Variants in ABCD3 observed in about 807,000 individuals in gnomAD.
ABCD3 encodes the protein ATP binding cassette subfamily D member 3, also known as ATP-binding cassette sub-family D member 3.
In ABCD3, 41 loss-of-function variants were observed where a neutral mutation model predicts 105.5. The ratio of observed to expected loss-of-function variants is 0.39; its 90% CI spans 0.30 to 0.50. The LOEUF is 0.50. Among genes scored for constraint, ABCD3 ranks in the 20% least tolerant of loss-of-function variants. The pLI, the probability that ABCD3 is intolerant of heterozygous loss-of-function variation, is 0.84. For synonymous variants in ABCD3, 258 were observed against 269.0 expected (o/e 0.96, Z 0.40); for missense variants, 622 against 806.3 (o/e 0.77, Z 2.77).
intron 10 of ABCD3, among the ~76,000 whole-genome samples, chr1:94,483,962 A>G (rs906997941): frequency 5.3e-5 from 8 of 152,168 alleles, no homozygotes; most frequent in Non-Finnish European, 1.2e-4. Context: ...AAACAACCCC[A>G]TCAAAAAGTG....
In ABCD3 at chr1:94,468,026, T is replaced by TC; in HGVS notation, c.335+21dup. On this transcript the variant is annotated intron_variant, in intron 4 of 22. Coordinates refer to ENST00000370214, the MANE Select transcript of ABCD3 (RefSeq NM_002858.4). ...TTGAAAGGTACTTTTTCAATCACCT[T>TC]CCTCCTATATGTATGAAATGCTAAT... is the stretch of plus-strand genomic sequence containing the variant. 6.6e-7 allele frequency: 1 copy of TC among 1,526,488 alleles called. No homozygotes were observed. Among genetic ancestry groups the TC allele is most frequent in the Non-Finnish European group, 9.1e-7 (1 of 1,100,502 alleles). 94.6% of individuals were successfully genotyped at this position (1,526,488 alleles called of 1,614,324 possible). A position where few individuals can be genotyped will look rare whatever the true frequency, so the allele number is the denominator to read the frequency against.
intron 21 of ABCD3, chr1:94,514,059 C>G (rs548741751): frequency 6.6e-6 from 1 of 151,982 alleles, no homozygotes; most frequent in South Asian, 2.1e-4. Context: ...TTATAATGAT[C>G]TTTTAAAAAT....
At chr1:94,480,874 T>G (rs1243597403) in intron 9 of ABCD3, among the ~76,000 whole-genome samples, 1 of 152,224 alleles carries the variant, frequency 6.6e-6, no homozygotes, top group African/African-American at 2.4e-5. Flanking sequence ...TCAGACATAA[T>G]CAGTTTACAA....
intron 13 of ABCD3, 22 bp from the exon 14 acceptor site, chr1:94,489,703 G>T: frequency 6.4e-7 from 1 of 1,556,852 alleles, no homozygotes; most frequent in Non-Finnish European, 8.9e-7. Context: ...TTTGATTATG[G>T]TTTCCTTTTC....
the ABCD3 span, chr1:94,406,503 C>T: frequency 5.0e-6 from 2 of 403,422 alleles, no homozygotes; most frequent in East Asian, 6.5e-5. Context: ...CAGTTGAATC[C>T]AGGTACCTTT....
At chr1:94,385,891 A>G in the ABCD3 span, among the ~76,000 whole-genome samples, 21 of 152,238 alleles carry the variant, frequency 1.4e-4, no homozygotes, top group African/African-American at 4.8e-4. Flanking sequence ...AATCTTAACC[A>G]TGAAAAAAAA....
At chr1:94,430,829 T>TATGACTTTAATTTTAAAAATTAAAC (rs1659644130) in intron 1 of ABCD3, among the ~76,000 whole-genome samples, 1 of 152,196 alleles carries the variant, frequency 6.6e-6, no homozygotes, top group African/African-American at 2.4e-5. Flanking sequence ...TAAAATTAAA[T>TATGACTTTAATTTTAAAAATTAAAC]ATGACTTTAA....
intron 21 of ABCD3, 145 bp downstream of exon 21, chr1:94,506,787 CAT>C: frequency 3.3e-6 from 2 of 606,230 alleles, no homozygotes; most frequent in South Asian, 1.8e-5. Flanking sequence ...AGATTTAAAA[CAT>C]ATGAATAAAA....
At chr1:94,391,392 C>T in the ABCD3 span, among the ~76,000 whole-genome samples, 1 of 152,174 alleles carries the variant, frequency 6.6e-6, no homozygotes, top group African/African-American at 2.4e-5. Flanking sequence ...GACTTGTCAG[C>T]CATTGCTGCA....
chr1:94,474,844 AT>A (rs1187580783), intron 5 of ABCD3, among the ~76,000 whole-genome samples: 13 of 152,106 alleles, frequency 8.5e-5, no homozygotes, highest in African/African-American at 3.1e-4. Flanking sequence ...AAGTCTTTAC[AT>A]TGGCTAGAAA....
At chr1:94,448,038 A>G (rs1321656109) in intron 1 of ABCD3, among the ~76,000 whole-genome samples, 2 of 152,190 alleles carry the variant, frequency 1.3e-5, no homozygotes, top group South Asian at 2.1e-4. Flanking sequence ...GCTCAAATAA[A>G]TAGAATAGAT....
At chr1:94,402,201 G>A in the ABCD3 span, among the ~76,000 whole-genome samples, 1 of 152,172 alleles carries the variant, frequency 6.6e-6, no homozygotes, top group Admixed American at 6.5e-5. Flanking sequence ...TTTTGCTGAT[G>A]GACACTGAGT....
chr1:94,448,653 A>T (rs550084430), intron 1 of ABCD3, among the ~76,000 whole-genome samples: 130 of 152,314 alleles, frequency 8.5e-4, no homozygotes, highest in African/African-American at 3.0e-3. Flanking sequence ...ATGCTCAGTT[A>T]TGTTTTCTTC....
chr1:94,504,171 A>G (rs1368757706), intron 20 of ABCD3, among the ~76,000 whole-genome samples: 2 of 151,970 alleles, frequency 1.3e-5, no homozygotes, highest in Non-Finnish European at 2.9e-5. Flanking sequence ...TCAGCCTCCC[A>G]AAGTGCTGGG....
At chr1:94,424,084 G>A (rs534748847) in intron 1 of ABCD3, among the ~76,000 whole-genome samples, 3 of 152,178 alleles carry the variant, frequency 2.0e-5, no homozygotes, top group Admixed American at 2.0e-4. Flanking sequence ...AGCAACCTTG[G>A]ATGGAAAAAA....
intron 21 of ABCD3, among the ~76,000 whole-genome samples, chr1:94,507,099 C>G (rs2101056468): frequency 6.6e-6 from 1 of 152,166 alleles, no homozygotes; most frequent in South Asian, 2.1e-4. Flanking sequence ...ACTAACTCAT[C>G]ATCTAGCATT....
At chr1:94,419,231 T>A (rs773118536) in intron 1 of ABCD3, 252 of 968,558 alleles carry the variant, frequency 2.6e-4, no homozygotes, top group Non-Finnish European at 3.0e-4. Context: ...TCGGTGGCAT[T>A]TCATCCGGAA....
At chr1:94,459,040 T>G (rs551046524) in intron 2 of ABCD3, among the ~76,000 whole-genome samples, 1 of 144,732 alleles carries the variant, frequency 6.9e-6, no homozygotes, top group African/African-American at 2.5e-5. Flanking sequence ...TCTTTTCTTC[T>G]CTTTTCTTCA....
intron 1 of ABCD3, among the ~76,000 whole-genome samples, chr1:94,452,981 G>A (rs1032284667): frequency 8.6e-5 from 13 of 151,978 alleles, no homozygotes; most frequent in Admixed American, 2.6e-4. Context: ...CAAGTGATCC[G>A]CCCGCCTCTG....
Sources: gnomAD v4.1 joint callset for allele counts (sites outside exome capture counted in the v4.1 genomes callset) on GRCh38, gnomAD v4.1.1 for gene constraint, MANE v1.5 for transcripts, NCBI Gene and HGNC (gene_info 2026-07-23, HGNC 2026-07-21) for gene names.